Variants in ACTR3C observed in about 807,000 individuals in gnomAD.
ACTR3C encodes actin related protein 3C.
A neutral mutation model predicts 26.3 loss-of-function variants in ACTR3C; 18 were observed. The observed-to-expected ratio is 0.68, with a 90% CI of 0.47 to 1.01. The LOEUF (loss-of-function observed/expected upper bound fraction) is 1.01, where lower values mean the gene tolerates loss of function less well. Among genes scored for constraint, ACTR3C ranks in the 50% least tolerant of loss-of-function variants. The pLI is 0.00. For missense variants in ACTR3C, 184 were observed against 250.7 expected, an observed-to-expected ratio of 0.73 and a Z score of 1.80; for synonymous variants, 55 against 94.5, an observed-to-expected ratio of 0.58 and a Z score of 2.42.
chr7:149,944,154 C>G, the ACTR3C span, among the ~76,000 whole-genome samples: 4 of 151,000 alleles, frequency 2.6e-5, no homozygotes, highest in Admixed American at 1.3e-4. Context: ...GCTACAGAGT[C>G]CCCCATCCTC....
chr7:149,910,961 C>T, the ACTR3C span, among the ~76,000 whole-genome samples: 1 of 151,888 alleles, frequency 6.6e-6, no homozygotes, highest in Non-Finnish European at 1.5e-5. Context: ...ACTCCTCAGG[C>T]CTACAAGGAG....
chr7:149,977,565 G>A, the ACTR3C span, among the ~76,000 whole-genome samples: 64,171 of 151,920 alleles, frequency 0.42, 13,692 homozygotes, highest in African/African-American at 0.45. Flanking sequence ...GTGAGCATCC[G>A]GACCTCTGTT....
the ACTR3C span, among the ~76,000 whole-genome samples, chr7:150,036,651 C>A: frequency 1.4e-5 from 2 of 141,840 alleles, 1 homozygote. Flanking sequence ...AATTCTCTCA[C>A]CTGCCTTCTG....
In ACTR3C at chr7:150,289,532, G is replaced by A. The variant is rs564195791; in HGVS notation, c.215C>T (p.Thr72Met). ...KHIPIAGRDITYFIQQLLRER... is the reference protein window; with the variant it reads ...KHIPIAGRDIMYFIQQLLRER... ...CCTTAGCAGCTGTTGAATGAAATACGTAATATCTCTACCTGCAATCGGGAT... is the reference window on the plus strand; with the variant it reads ...CCTTAGCAGCTGTTGAATGAAATACATAATATCTCTACCTGCAATCGGGAT... Residue 72 changes from threonine to methionine, a missense_variant, in exon 4 of 8, where the codon ACG becomes ATG. Physicochemically the swap from Thr to Met is moderately conservative, Grantham distance 81. Transcript: ENST00000683684. 1.5e-4 allele frequency: 244 copies of A among 1,605,086 alleles called. No homozygotes were observed. The African/African-American group carries it at 2.4e-3, about 15-fold the overall frequency.
At chr7:150,037,030 C>T in the ACTR3C span, among the ~76,000 whole-genome samples, 28 of 80,264 alleles carry the variant, frequency 3.5e-4, 1 homozygote, top group African/African-American at 9.4e-4. Flanking sequence ...CAGCCAGGGG[C>T]GGAAGAGGGG....
chr7:150,297,915 T>C (rs1460795698), intron 1 of ACTR3C, among the ~76,000 whole-genome samples: 82 of 149,748 alleles, frequency 5.5e-4, no homozygotes, highest in Non-Finnish European at 1.0e-3. Context: ...GTAAATGTTA[T>C]AAATTTTAAT....
chr7:150,104,447 T>C, the ACTR3C span, among the ~76,000 whole-genome samples: 1 of 151,864 alleles, frequency 6.6e-6, no homozygotes, highest in Non-Finnish European at 1.5e-5. Context: ...AAGCCAATAC[T>C]ACGTGAAATA....
At chr7:150,154,042 G>T in the ACTR3C span, among the ~76,000 whole-genome samples, 4 of 139,172 alleles carry the variant, frequency 2.9e-5, no homozygotes, top group Admixed American at 3.2e-4. Flanking sequence ...ATGGACACAG[G>T]AAGGGGAACA....
the ACTR3C span, among the ~76,000 whole-genome samples, chr7:149,971,865 G>A: frequency 6.6e-6 from 1 of 152,210 alleles, no homozygotes; most frequent in African/African-American, 2.4e-5. Context: ...GCTGCGCCCT[G>A]ACTGCATCTC....
chr7:150,010,371 A>AT, the ACTR3C span, among the ~76,000 whole-genome samples: 1 of 152,224 alleles, frequency 6.6e-6, no homozygotes, highest in South Asian at 2.1e-4. Context: ...CAGATGTGTA[A>AT]TGTTATATGT....
chr7:149,942,187 A>C, the ACTR3C span, among the ~76,000 whole-genome samples: 1 of 152,218 alleles, frequency 6.6e-6, no homozygotes, highest in Non-Finnish European at 1.5e-5. Flanking sequence ...TTCTTTTAAA[A>C]AGAAATCTCA....
the ACTR3C span, among the ~76,000 whole-genome samples, chr7:150,035,676 A>T: frequency 7.5e-6 from 1 of 133,250 alleles, no homozygotes; most frequent in Admixed American, 7.2e-5. Context: ...GGTGGGTCCT[A>T]AGGATCTTAG....
At chr7:150,040,120 C>G in the ACTR3C span, among the ~76,000 whole-genome samples, 6 of 147,714 alleles carry the variant, frequency 4.1e-5, 1 homozygote, top group African/African-American at 1.5e-4. Flanking sequence ...TGGATCTCAG[C>G]CATCACAAAA....
the ACTR3C span, among the ~76,000 whole-genome samples, chr7:150,011,606 A>T: frequency 6.6e-6 from 1 of 152,070 alleles, no homozygotes; most frequent in African/African-American, 2.4e-5. Context: ...AAATAAAAAT[A>T]AAAAATAAGT....
chr7:150,082,191 G>A, the ACTR3C span, among the ~76,000 whole-genome samples: 1 of 152,166 alleles, frequency 6.6e-6, no homozygotes, highest in South Asian at 2.1e-4. Flanking sequence ...ACTCCACAAA[G>A]AGTTGTCTTC....
At chr7:150,036,822 G>T in the ACTR3C span, among the ~76,000 whole-genome samples, 4 of 134,534 alleles carry the variant, frequency 3.0e-5, no homozygotes, top group Non-Finnish European at 6.9e-5. Context: ...CTCCAGGTGG[G>T]TCCTAAGGAT....
chr7:150,120,606 C>CA, the ACTR3C span, among the ~76,000 whole-genome samples: 2,628 of 150,340 alleles, frequency 0.017, 64 homozygotes, highest in African/African-American at 0.054. Flanking sequence ...GCCTACCAAC[C>CA]AAAAAAAAAG....
intron 6 of ACTR3C, among the ~76,000 whole-genome samples, chr7:150,284,389 CA>C (rs991741324): frequency 5.3e-5 from 8 of 151,940 alleles, no homozygotes; most frequent in Non-Finnish European, 1.0e-4. Context: ...GAAACACACA[CA>C]AAAAAATTCG....
At chr7:150,306,877 T>A (rs927631731) in intron 1 of ACTR3C, among the ~76,000 whole-genome samples, 2 of 152,246 alleles carry the variant, frequency 1.3e-5, no homozygotes, top group African/African-American at 4.8e-5. Flanking sequence ...GAACAGTGGT[T>A]TATTCATACA....
Sources: allele counts gnomAD v4.1 joint callset (sites outside exome capture counted in the v4.1 genomes callset), GRCh38; gene constraint gnomAD v4.1.1; transcripts MANE v1.5; gene names NCBI Gene and HGNC (gene_info 2026-07-23, HGNC 2026-07-21).